Variants in METTL8 observed in about 807,000 individuals in gnomAD.
METTL8 encodes tRNA N(3)-cytidine methyltransferase METTL8, mitochondrial.
Under a neutral mutation model 48.7 loss-of-function variants are expected in METTL8, and 32 were observed. The observed-to-expected ratio is 0.66, with a 90% CI of 0.50 to 0.88. The LOEUF is 0.88. Ranked by LOEUF, METTL8 falls within the 40% of genes least tolerant of loss-of-function variation. The pLI is 0.00. For synonymous variants in METTL8, 136 were observed against 157.1 expected (o/e 0.87, Z 1.01); for missense variants, 464 against 474.4 (o/e 0.98, Z 0.20).
chr2:171,430,635 T>C (rs1383108668), intron 1 of METTL8, among the ~76,000 whole-genome samples: 2 of 152,150 alleles, frequency 1.3e-5, no homozygotes, highest in Non-Finnish European at 2.9e-5. Context: ...AAAATCACTC[T>C]GGCAGCAGTA....
chr2:171,413,563 G>A (rs1319183505), intron 1 of METTL8, among the ~76,000 whole-genome samples: 1 of 152,030 alleles, frequency 6.6e-6, no homozygotes, highest in East Asian at 1.9e-4. Flanking sequence ...TTTTACAGGT[G>A]TTGTGATAAA....
chr2:171,370,524 G>A (rs917937326), intron 2 of METTL8, among the ~76,000 whole-genome samples: 1 of 152,164 alleles, frequency 6.6e-6, no homozygotes, highest in Non-Finnish European at 1.5e-5. Flanking sequence ...GGGCACGGTG[G>A]CTCATGCCTG....
intron 2 of METTL8, among the ~76,000 whole-genome samples, chr2:171,379,744 A>G (rs1687329191): frequency 2.0e-5 from 3 of 152,204 alleles, no homozygotes; most frequent in Non-Finnish European, 4.4e-5. Context: ...AAGTTCTGAA[A>G]TTGAGGCAGT....
intron 1 of METTL8, among the ~76,000 whole-genome samples, chr2:171,423,662 T>C (rs1297251139): frequency 6.6e-6 from 1 of 152,144 alleles, no homozygotes; most frequent in African/African-American, 2.4e-5. Flanking sequence ...CTGTGGAACT[T>C]TGAACTTGAG....
intron 2 of METTL8, among the ~76,000 whole-genome samples, chr2:171,365,581 G>A (rs947007465): frequency 6.6e-6 from 1 of 152,062 alleles, no homozygotes; most frequent in African/African-American, 2.4e-5. Flanking sequence ...TGGAATCTGG[G>A]TACCCGCCAG....
intron 3 of METTL8, among the ~76,000 whole-genome samples, chr2:171,357,649 T>G (rs918982636): frequency 3.7e-4 from 56 of 151,962 alleles, no homozygotes; most frequent in African/African-American, 1.3e-3. Flanking sequence ...TCAAAATACC[T>G]ATGACATTCT....
At chr2:171,428,951 A>G (rs1692690914) in intron 1 of METTL8, among the ~76,000 whole-genome samples, 1 of 152,234 alleles carries the variant, frequency 6.6e-6, no homozygotes, top group Admixed American at 6.5e-5. Flanking sequence ...TGTGGGCAAG[A>G]TAATGAAAAC....
intron 2 of METTL8, among the ~76,000 whole-genome samples, chr2:171,361,667 T>C: frequency 6.6e-6 from 1 of 152,198 alleles, no homozygotes; most frequent in East Asian, 1.9e-4. Context: ...AGAAATTTAA[T>C]AACTTATTCA....
chr2:171,330,775 G>T (rs1685447626), intron 6 of METTL8, 77 bp from the exon 7 acceptor site: 6 of 1,257,926 alleles, frequency 4.8e-6, no homozygotes, highest in Non-Finnish European at 6.6e-6. Flanking sequence ...AAATAAAAAG[G>T]TCAAATTTTT....
intron 2 of METTL8, among the ~76,000 whole-genome samples, chr2:171,391,539 G>A (rs889557337): frequency 5.3e-5 from 8 of 152,164 alleles, no homozygotes; most frequent in Non-Finnish European, 1.0e-4. Context: ...ACAATTTACT[G>A]CCTTGTAGGG....
chr2:171,347,827 C>A (rs937115319), intron 3 of METTL8, among the ~76,000 whole-genome samples: 1 of 152,178 alleles, frequency 6.6e-6, no homozygotes, highest in South Asian at 2.1e-4. Flanking sequence ...ACCCTCGAAT[C>A]CAACCCTAAT....
chr2:171,431,440 C>G (rs954952683), intron 1 of METTL8, among the ~76,000 whole-genome samples: 1 of 152,194 alleles, frequency 6.6e-6, no homozygotes, highest in African/African-American at 2.4e-5. Flanking sequence ...AAATTCTACT[C>G]CACTCACTCT....
chr2:171,346,618 C>A (rs1004016568), intron 3 of METTL8, among the ~76,000 whole-genome samples: 1 of 152,172 alleles, frequency 6.6e-6, no homozygotes, highest in Non-Finnish European at 1.5e-5. Context: ...GTAAACAGTG[C>A]TCCTGCTGTA....
intron 1 of METTL8, among the ~76,000 whole-genome samples, chr2:171,408,677 T>C (rs1302248491): frequency 6.6e-6 from 1 of 152,082 alleles, no homozygotes; most frequent in Non-Finnish European, 1.5e-5. Flanking sequence ...CAGAAAGCAA[T>C]TTCAGGTGGC....
intron 2 of METTL8, among the ~76,000 whole-genome samples, chr2:171,365,223 G>A (rs1406232948): frequency 6.6e-6 from 1 of 152,102 alleles, no homozygotes; most frequent in Non-Finnish European, 1.5e-5. Context: ...TGAAGCAGTG[G>A]AGTATAATCA....
intron 3 of METTL8, among the ~76,000 whole-genome samples, chr2:171,351,622 G>A (rs975475308): frequency 6.6e-6 from 1 of 152,086 alleles, no homozygotes; most frequent in Non-Finnish European, 1.5e-5. Context: ...ATTTGTTTGT[G>A]TCCTCTTTTA....
chr2:171,399,893 C>G (rs1283176008), intron 1 of METTL8, among the ~76,000 whole-genome samples: 1 of 151,972 alleles, frequency 6.6e-6, no homozygotes, highest in African/African-American at 2.4e-5. Context: ...AATCCCAGCA[C>G]TTTTGGAGGC....
At chr2:171,381,889 C>G (rs980324440) in intron 2 of METTL8, among the ~76,000 whole-genome samples, 2 of 150,146 alleles carry the variant, frequency 1.3e-5, no homozygotes, top group African/African-American at 4.9e-5. Context: ...TCAAGCGATT[C>G]TCCTACCTCA....
intron 3 of METTL8, among the ~76,000 whole-genome samples, chr2:171,341,351 G>C (rs1437954375): frequency 3.3e-5 from 5 of 150,910 alleles, no homozygotes; most frequent in Non-Finnish European, 7.4e-5. Context: ...AATTAATAAA[G>C]TAACCCACTC....
Sources: gnomAD v4.1 joint callset for allele counts (sites outside exome capture counted in the v4.1 genomes callset) on GRCh38, gnomAD v4.1.1 for gene constraint, MANE v1.5 for transcripts, NCBI Gene and HGNC (gene_info 2026-07-23, HGNC 2026-07-21) for gene names.